Variants in TPR observed in about 807,000 individuals in gnomAD.
TPR encodes nucleoprotein TPR.
A neutral mutation model predicts 316.1 loss-of-function variants in TPR; 51 were observed. The ratio of observed to expected loss-of-function variants is 0.16; its 90% confidence interval spans 0.13 to 0.20. TPR has a LOEUF of 0.20. Among genes scored for constraint, TPR ranks in the 10% least tolerant of loss-of-function variants. The pLI, the probability that TPR is intolerant of heterozygous loss-of-function variation, is 1.00. For missense variants in TPR, 2,272 were observed against 2,754.8 expected, an observed-to-expected ratio of 0.82 and a Z score of 3.92; for synonymous variants, 981 against 914.7, an observed-to-expected ratio of 1.07 and a Z score of -1.31.
At chr1:186,354,131 G>A (rs773158768) in intron 17 of TPR, among the ~76,000 whole-genome samples, 4 of 151,990 alleles carry the variant, frequency 2.6e-5, no homozygotes, top group Non-Finnish European at 5.9e-5. Flanking sequence ...GCAGCAAGCT[G>A]CACTTTTTTT....
chr1:186,346,032 A>C, intron 23 of TPR, 103 bp downstream of exon 23: 1 of 1,361,304 alleles, frequency 7.3e-7, no homozygotes, highest in South Asian at 1.6e-5. Context: ...TATGTGTTCA[A>C]TAAATTTCTG....
chr1:186,325,862 C>CA lies in TPR; in HGVS notation c.6022-9dup, dbSNP rs746064976. On this transcript the variant is annotated splice_polypyrimidine_tract_variant and intron_variant, in intron 41 of 50. Transcript: ENST00000367478. ...ATCAGTCCCATCACCACCCTAAAAA[C>CA]AAAACGTGGTAACATAATGCTCAAA... The CA allele has an allele frequency of 6.8e-6, 11 of 1,611,654 alleles. No homozygotes were observed. The South Asian group carries it at 1.2e-4, about 18-fold the overall frequency.
chr1:186,371,128 T>C lies in TPR; in HGVS notation c.257-85A>G, dbSNP rs1659512826. ...TTTATGCAACTGCCAACCTTACATA[T>C]TTTAATAAATGAAAAAACAGAAGCC... On this transcript the variant is annotated intron_variant, in intron 2 of 50. Coordinates refer to ENST00000367478, the MANE Select transcript of TPR (RefSeq NM_003292.3). 4 of 1,006,224 alleles carry C rather than the reference T, an allele frequency of 4.0e-6. No individual in the cohort carries two copies. In the South Asian group the frequency reaches 5.5e-5, roughly 14 times the overall value. The allele number at this position is 1,006,224 out of a possible 1,614,324, so 62.3% of individuals were successfully genotyped here.
chr1:186,361,908 C>A (rs1043686782), intron 7 of TPR, 39 bp from the exon 8 acceptor site: 33 of 1,584,876 alleles, frequency 2.1e-5, no homozygotes, highest in Non-Finnish European at 2.8e-5. Flanking sequence ...CTACTTTGAA[C>A]TAAATTTAGA....
intron 46 of TPR, among the ~76,000 whole-genome samples, chr1:186,319,030 C>G (rs1250303838): frequency 6.6e-6 from 1 of 152,114 alleles, no homozygotes. Context: ...CGTTCTGTCA[C>G]CCAAGTTAAG....
chr1:186,361,740 A>G (rs773622904), intron 8 of TPR, 31 bp from the exon 9 acceptor site: 8 of 1,613,134 alleles, frequency 5.0e-6, no homozygotes, highest in Non-Finnish European at 5.9e-6. Flanking sequence ...GTTACCTAAC[A>G]GTCAACAATG....
At chr1:186,328,592 A>G (rs1367872475) in intron 39 of TPR, among the ~76,000 whole-genome samples, 1 of 152,170 alleles carries the variant, frequency 6.6e-6, no homozygotes, top group Non-Finnish European at 1.5e-5. Context: ...GTTTAAACAG[A>G]AGGTTTTCCC....
intron 43 of TPR, among the ~76,000 whole-genome samples, chr1:186,323,223 T>C (rs1344110569): frequency 6.6e-6 from 1 of 152,176 alleles, no homozygotes; most frequent in Non-Finnish European, 1.5e-5. Flanking sequence ...TAAGGGGTCA[T>C]ACATACCTTC....
intron 37 of TPR, 91 bp downstream of exon 37, chr1:186,333,031 A>T (rs966781635): frequency 6.9e-7 from 1 of 1,441,632 alleles, no homozygotes; most frequent in Non-Finnish European, 9.3e-7. Flanking sequence ...TCATTTGTAC[A>T]AAGAATACTC....
At chr1:186,357,957 G>A (rs911291576) in intron 13 of TPR, among the ~76,000 whole-genome samples, 4 of 152,058 alleles carry the variant, frequency 2.6e-5, no homozygotes, top group African/African-American at 7.2e-5. Flanking sequence ...ATATATGATA[G>A]GGCAGAGCAT....
intron 39 of TPR, among the ~76,000 whole-genome samples, chr1:186,330,293 C>A (rs369162854): frequency 6.6e-6 from 1 of 152,062 alleles, no homozygotes; most frequent in South Asian, 2.1e-4. Flanking sequence ...CTGGAACTAT[C>A]GGGCAAGTTA....
chr1:186,361,856 T>C lies in TPR; in HGVS notation c.803A>G (p.Gln268Arg), dbSNP rs1659200905. ...GTGGAATTTCTCTTCCATACTGGCC[T>C]GTTGTTCCTTGGCCTGAAAAAAATA... ...LTKLKEAKEQ[Q>R]ASMEEKFHNE... The change falls in exon 8 of 51, where the codon CAG becomes CGG. Residue 268 changes from glutamine (Q) to arginine (R), a missense_variant. Coordinates refer to ENST00000367478, the MANE Select transcript of TPR (RefSeq NM_003292.3). 6.2e-7 allele frequency: 1 copy of C among 1,612,788 alleles called. No individual in the cohort carries two copies. The highest frequency in any genetic ancestry group is 8.5e-7 in the Non-Finnish European group (1 of 1,179,164).
chr1:186,317,344 A>T (rs975396882), intron 49 of TPR, 138 bp downstream of exon 49: 2 of 688,908 alleles, frequency 2.9e-6, no homozygotes, highest in Non-Finnish European at 4.9e-6. Context: ...GTTCCTTTTA[A>T]TAATAAAATT....
At position 186,317,722 on chromosome 1, in the gene TPR, T is replaced by C. The variant is rs146739173; in HGVS notation, c.6822-122A>G. ...CAGAGCTCCCTTAAACAAAAAATTA[T>C]AGACTGATTTGGTTACCATATATAT... On this transcript the variant is annotated intron_variant, in intron 48 of 50. Coordinates refer to ENST00000367478, the MANE Select transcript of TPR (RefSeq NM_003292.3). 4 of 805,590 alleles carry C rather than the reference T, an allele frequency of 5.0e-6. No individual in the cohort carries two copies. In the African/African-American group the frequency reaches 7.0e-5, roughly 14 times the overall value. 49.9% of individuals were successfully genotyped at this position (805,590 alleles called of 1,614,324 possible).
In TPR at chr1:186,322,563, C is replaced by T; in HGVS notation, c.6321G>A (p.Gln2107=). ...TCAACTGAAGGCCACGTCCTACAGACTGCCTTCGGGTCATCTGAATTCTCT... is the reference window on the plus strand; with the variant it reads ...TCAACTGAAGGCCACGTCCTACAGATTGCCTTCGGGTCATCTGAATTCTCT... ...PVQRIQMTRR[Q]SVGRGLQLTP... The change falls in exon 44 of 51, where the codon CAG becomes CAA. Residue 2107 remains glutamine, a synonymous_variant. Coordinates refer to ENST00000367478, the MANE Select transcript of TPR (RefSeq NM_003292.3). 6.2e-7 allele frequency: 1 copy of T among 1,614,090 alleles called. No homozygotes were observed. The highest frequency in any genetic ancestry group is 1.7e-5 in the Admixed American group (1 of 60,012).
intron 25 of TPR, 68 bp downstream of exon 25, chr1:186,344,307 T>C: frequency 6.4e-7 from 1 of 1,555,290 alleles, no homozygotes; most frequent in South Asian, 1.2e-5. Context: ...TCTCAAAACA[T>C]TATAAAATAA....
chr1:186,318,378 G>A, intron 48 of TPR, 69 bp downstream of exon 48: 1 of 1,523,824 alleles, frequency 6.6e-7, no homozygotes, highest in Admixed American at 2.2e-5. Context: ...TTGTTTCTTG[G>A]CTAAAGGAAA....
chr1:186,363,032 G>A, intron 5 of TPR, 31 bp from the exon 6 acceptor site: 1 of 1,570,234 alleles, frequency 6.4e-7, no homozygotes, highest in Non-Finnish European at 8.6e-7. Flanking sequence ...AACACGTACA[G>A]TTAAAGATGA....
At chr1:186,354,596 AT>A (rs2101978444) in intron 17 of TPR, among the ~76,000 whole-genome samples, 1 of 152,346 alleles carries the variant, frequency 6.6e-6, no homozygotes, top group East Asian at 1.9e-4. Context: ...AAACAGTTTT[AT>A]CATGTACTAT....
Sources: allele counts gnomAD v4.1 joint callset (sites outside exome capture counted in the v4.1 genomes callset), GRCh38; gene constraint gnomAD v4.1.1; transcripts MANE v1.5; gene names NCBI Gene and HGNC (gene_info 2026-07-23, HGNC 2026-07-21).